ERC2: variants seen among roughly 807,000 people sequenced by gnomAD.
The protein encoded by ERC2 is ELKS/RAB6-interacting/CAST family member 2, also known as ERC protein 2.
ERC2 carries 42 observed loss-of-function variants against 114.8 expected under a neutral mutation model. The ratio of observed to expected loss-of-function variants is 0.37; its 90% CI spans 0.29 to 0.47. The LOEUF (loss-of-function observed/expected upper bound fraction) is 0.47. Ranked by LOEUF, ERC2 falls within the 20% of genes least tolerant of loss-of-function variation. The pLI is 0.99. For missense variants in ERC2, 939 were observed against 1,150.7 expected, an observed-to-expected ratio of 0.82 and a Z score of 2.66; for synonymous variants, 454 against 425.5, an observed-to-expected ratio of 1.07 and a Z score of -0.82.
At chr3:56,003,229 G>C (rs527623679) in intron 10 of ERC2, 1 of 828,172 alleles carries the variant, frequency 1.2e-6, no homozygotes, top group East Asian at 7.0e-5. Context: ...CCATGCATTC[G>C]CACAGACGAG....
intron 2 of ERC2, among the ~76,000 whole-genome samples, chr3:56,331,011 G>A (rs1050287819): frequency 5.3e-5 from 8 of 152,144 alleles, no homozygotes; most frequent in African/African-American, 1.9e-4. Flanking sequence ...TTCCAAAGGT[G>A]AGCCCTAATT....
chr3:55,708,534 G>T (rs996312096), intron 15 of ERC2, among the ~76,000 whole-genome samples: 13 of 152,288 alleles, frequency 8.5e-5, no homozygotes, highest in African/African-American at 3.1e-4. Flanking sequence ...AGTATGCAGA[G>T]CATGAAGAGC....
At chr3:55,676,147 T>G (rs913067073) in intron 17 of ERC2, among the ~76,000 whole-genome samples, 1 of 151,874 alleles carries the variant, frequency 6.6e-6, no homozygotes, top group East Asian at 1.9e-4. Context: ...GGTCTTGAAC[T>G]CCTGACCTCA....
chr3:55,830,098 A>T (rs2149180746), intron 14 of ERC2, among the ~76,000 whole-genome samples: 1 of 152,342 alleles, frequency 6.6e-6, no homozygotes, highest in South Asian at 2.1e-4. Context: ...AGTTACAGAA[A>T]AATGACGTTA....
chr3:56,177,257 C>A (rs149936879), intron 3 of ERC2, among the ~76,000 whole-genome samples: 1 of 152,158 alleles, frequency 6.6e-6, no homozygotes, highest in East Asian at 1.9e-4. Flanking sequence ...GTGATTTTAA[C>A]GTGTGATTGC....
intron 3 of ERC2, among the ~76,000 whole-genome samples, chr3:56,192,138 AC>A (rs147231045): frequency 0.029 from 4,412 of 152,228 alleles, 69 homozygotes; most frequent in Middle Eastern, 0.058. Context: ...ATTATTACCT[AC>A]ATCTCTCCAA....
At chr3:56,002,761 T>A (rs1206485957) in intron 10 of ERC2, among the ~76,000 whole-genome samples, 1 of 152,150 alleles carries the variant, frequency 6.6e-6, no homozygotes. Context: ...AATGTTGTTA[T>A]CCCTTTCGGC....
chr3:56,014,488 G>A (rs2073170788), intron 8 of ERC2, among the ~76,000 whole-genome samples: 1 of 152,252 alleles, frequency 6.6e-6, no homozygotes, highest in Non-Finnish European at 1.5e-5. Context: ...GAGGTACTGA[G>A]ACGCTGAGAG....
At chr3:56,248,247 C>A (rs1010699227) in intron 3 of ERC2, among the ~76,000 whole-genome samples, 6 of 152,088 alleles carry the variant, frequency 3.9e-5, no homozygotes, top group African/African-American at 1.4e-4. Context: ...CATGCACCAC[C>A]ATGCCCAGGT....
intron 15 of ERC2, among the ~76,000 whole-genome samples, chr3:55,716,616 G>C (rs1329669437): frequency 6.6e-6 from 1 of 152,174 alleles, no homozygotes; most frequent in Non-Finnish European, 1.5e-5. Flanking sequence ...TGTGGCTTCT[G>C]ATTCCCTTTT....
At chr3:55,928,835 G>A (rs2065903846) in intron 13 of ERC2, among the ~76,000 whole-genome samples, 1 of 152,152 alleles carries the variant, frequency 6.6e-6, no homozygotes, top group Non-Finnish European at 1.5e-5. Flanking sequence ...TGGATGTCCA[G>A]TTTTCCCAGC....
intron 13 of ERC2, among the ~76,000 whole-genome samples, chr3:55,921,664 G>T (rs779635444): frequency 6.6e-6 from 1 of 152,056 alleles, no homozygotes; most frequent in Non-Finnish European, 1.5e-5. Context: ...AAATGAAAAA[G>T]AACTAGCATA....
At chr3:56,432,402 TG>T (rs1226801278) in intron 2 of ERC2, among the ~76,000 whole-genome samples, 1 of 152,040 alleles carries the variant, frequency 6.6e-6, no homozygotes, top group East Asian at 1.9e-4. Flanking sequence ...AGTATAAAAC[TG>T]GGGGGAAATG....
At chr3:56,075,745 T>A (rs2076938966) in intron 7 of ERC2, among the ~76,000 whole-genome samples, 2 of 152,156 alleles carry the variant, frequency 1.3e-5, no homozygotes, top group African/African-American at 4.8e-5. Flanking sequence ...ATGAATATGA[T>A]GTTGCACATG....
intron 2 of ERC2, among the ~76,000 whole-genome samples, chr3:56,398,689 A>G (rs1292786687): frequency 6.6e-6 from 1 of 152,060 alleles, no homozygotes. Context: ...CAGTAGCGGT[A>G]TGATCATAGT....
At chr3:55,638,725 C>T (rs1295247628) in intron 17 of ERC2, among the ~76,000 whole-genome samples, 2 of 152,136 alleles carry the variant, frequency 1.3e-5, no homozygotes, top group Non-Finnish European at 2.9e-5. Flanking sequence ...TGGCTGGTTA[C>T]CAGGTTTTAA....
At chr3:55,861,138 A>G (rs761530500) in intron 14 of ERC2, among the ~76,000 whole-genome samples, 11 of 152,232 alleles carry the variant, frequency 7.2e-5, no homozygotes, top group Non-Finnish European at 1.5e-4. Context: ...AAGTTTAATT[A>G]GTTCTAACTA....
At chr3:55,953,459 C>T (rs896339515) in intron 12 of ERC2, among the ~76,000 whole-genome samples, 5 of 152,210 alleles carry the variant, frequency 3.3e-5, no homozygotes, top group Non-Finnish European at 7.3e-5. Flanking sequence ...AGTGTCCACA[C>T]TCTCCTGAAG....
At chr3:55,873,717 CACAGGGCCTT>C (rs1168488325) in intron 14 of ERC2, among the ~76,000 whole-genome samples, 3 of 152,104 alleles carry the variant, frequency 2.0e-5, no homozygotes, top group Non-Finnish European at 4.4e-5. Flanking sequence ...GTCCTTCTGC[CACAGGGCCTT>C]TGCATAGGCA....
Sources: allele counts gnomAD v4.1 joint callset (sites outside exome capture counted in the v4.1 genomes callset), GRCh38; gene constraint gnomAD v4.1.1; transcripts MANE v1.5; gene names NCBI Gene and HGNC (gene_info 2026-07-23, HGNC 2026-07-21).